The following PXDNL variants were observed in gnomAD, a reference collection of about 807,000 sequenced individuals.
The protein encoded by PXDNL is probable oxidoreductase PXDNL.
A neutral mutation model predicts 150.8 loss-of-function variants in PXDNL; 145 were observed. That is an observed-to-expected ratio of 0.96 (90% CI 0.84 to 1.10). The LOEUF (loss-of-function observed/expected upper bound fraction) is 1.10. PXDNL is among the 50% of genes least tolerant of loss of function. The pLI is 0.00. For missense variants in PXDNL, 2,087 were observed against 1,873.9 expected (o/e 1.11, Z -2.10); for synonymous variants, 757 against 725.7 (o/e 1.04, Z -0.69).
At chr8:51,334,787 C>G (rs910279686) in intron 21 of PXDNL, among the ~76,000 whole-genome samples, 1 of 152,176 alleles carries the variant, frequency 6.6e-6, no homozygotes, top group Admixed American at 6.5e-5. Flanking sequence ...TCCTCATATA[C>G]TTAGATTCCA....
intron 19 of PXDNL, among the ~76,000 whole-genome samples, chr8:51,351,258 A>G (rs1254196148): frequency 6.6e-6 from 1 of 152,240 alleles, no homozygotes; most frequent in African/African-American, 2.4e-5. Context: ...CTATAACATT[A>G]TTTGGAAATA....
chr8:51,678,126 A>G (rs932715804), intron 1 of PXDNL, among the ~76,000 whole-genome samples: 3 of 152,238 alleles, frequency 2.0e-5, no homozygotes, highest in Non-Finnish European at 2.9e-5. Flanking sequence ...GGCATAAAAC[A>G]TTATTCTTGA....
At chr8:51,553,771 T>TATACACAC (rs1236843720) in intron 4 of PXDNL, among the ~76,000 whole-genome samples, 1 of 63,862 alleles carries the variant, frequency 1.6e-5, no homozygotes, top group African/African-American at 9.3e-5. Flanking sequence ...TATATATATA[T>TATACACAC]ACACACACTG....
rs572506864 is a variant in PXDNL, at chr8:51,463,047, G to A, written c.813-5380C>T. On this transcript the variant is annotated intron_variant, in intron 8 of 22. Coordinates refer to ENST00000356297, the MANE Select transcript of PXDNL (RefSeq NM_144651.5). ...AGCCAAACTAAACTTTATAAGTGAA[G>A]GATAAATAAAATTCTTCCCAGACAA... Among the ~76,000 whole-genome samples, 3 of 152,184 alleles carry A rather than the reference G, an allele frequency of 2.0e-5. No homozygotes were observed. The East Asian group carries it at 5.8e-4, about 29-fold the overall frequency.
intron 3 of PXDNL, among the ~76,000 whole-genome samples, chr8:51,578,705 G>A (rs774670492): frequency 6.6e-6 from 1 of 151,922 alleles, no homozygotes; most frequent in African/African-American, 2.4e-5. Context: ...TGTCTACCTG[G>A]CTTCAGGATG....
intron 4 of PXDNL, among the ~76,000 whole-genome samples, chr8:51,556,316 C>A (rs1812599405): frequency 6.6e-6 from 1 of 151,798 alleles, no homozygotes; most frequent in Non-Finnish European, 1.5e-5. Context: ...TAATTTGGGG[C>A]AAATCAGTTA....
chr8:51,452,212 A>G (rs191050772), intron 10 of PXDNL, among the ~76,000 whole-genome samples: 103 of 152,390 alleles, frequency 6.8e-4, no homozygotes, highest in African/African-American at 2.5e-3. Flanking sequence ...AAAATGATGT[A>G]AGCAAAACAA....
At chr8:51,697,119 C>CA (rs1479745782) in intron 1 of PXDNL, among the ~76,000 whole-genome samples, 2 of 152,188 alleles carry the variant, frequency 1.3e-5, no homozygotes, top group African/African-American at 4.8e-5. Context: ...GCCTGGCCAA[C>CA]ATGTTGAAAC....
chr8:51,578,189 C>T (rs1483141860), intron 3 of PXDNL, among the ~76,000 whole-genome samples: 3 of 151,546 alleles, frequency 2.0e-5, no homozygotes, highest in Non-Finnish European at 4.4e-5. Context: ...AAAATATATT[C>T]CTGTTTACAG....
chr8:51,325,831 A>C (rs962436209), intron 21 of PXDNL, among the ~76,000 whole-genome samples: 1 of 152,094 alleles, frequency 6.6e-6, no homozygotes, highest in African/African-American at 2.4e-5. Context: ...GGAGAGTGAA[A>C]GCCACCTCCT....
At chr8:51,754,795 G>A (rs564790746) in intron 1 of PXDNL, among the ~76,000 whole-genome samples, 7 of 152,230 alleles carry the variant, frequency 4.6e-5, no homozygotes, top group Admixed American at 6.5e-5. Context: ...GAACCACTGC[G>A]CCCGGCCAAA....
chr8:51,786,635 G>C (rs2037463292), intron 1 of PXDNL, among the ~76,000 whole-genome samples: 1 of 151,846 alleles, frequency 6.6e-6, no homozygotes, highest in African/African-American at 2.4e-5. Context: ...AGCTAGCGGA[G>C]GCTGTTCATG....
intron 1 of PXDNL, among the ~76,000 whole-genome samples, chr8:51,751,684 T>C (rs1351655867): frequency 6.6e-6 from 1 of 152,210 alleles, no homozygotes; most frequent in Admixed American, 6.5e-5. Context: ...GAACAAACTA[T>C]AAGAAGCTGG....
At chr8:51,806,121 T>G (rs1163888265) in intron 1 of PXDNL, among the ~76,000 whole-genome samples, 1 of 152,216 alleles carries the variant, frequency 6.6e-6, no homozygotes, top group Non-Finnish European at 1.5e-5. Context: ...GGGACAGTTT[T>G]GCATTTTTCT....
chr8:51,333,162 G>T (rs1480698159), intron 21 of PXDNL, among the ~76,000 whole-genome samples: 5 of 152,218 alleles, frequency 3.3e-5, no homozygotes, highest in African/African-American at 9.7e-5. Context: ...TTACAGGCTA[G>T]AAGGGAGTAA....
chr8:51,570,090 G>A (rs1378338999), intron 3 of PXDNL, among the ~76,000 whole-genome samples: 1 of 151,916 alleles, frequency 6.6e-6, no homozygotes, highest in Non-Finnish European at 1.5e-5. Context: ...AGAAAGACAT[G>A]AGCAGTGAGA....
At chr8:51,553,201 C>T (rs1311847895) in intron 4 of PXDNL, among the ~76,000 whole-genome samples, 1 of 152,186 alleles carries the variant, frequency 6.6e-6, no homozygotes, top group Non-Finnish European at 1.5e-5. Flanking sequence ...TGGCTCAGCA[C>T]ACCCAAAGCT....
intron 4 of PXDNL, among the ~76,000 whole-genome samples, chr8:51,552,672 C>A (rs923134461): frequency 6.6e-6 from 1 of 151,982 alleles, no homozygotes; most frequent in African/African-American, 2.4e-5. Context: ...TCCAGGTATT[C>A]GGAGTAAGGA....
intron 1 of PXDNL, among the ~76,000 whole-genome samples, chr8:51,756,450 C>T (rs1163149868): frequency 6.6e-6 from 1 of 150,844 alleles, no homozygotes; most frequent in African/African-American, 2.4e-5. Context: ...ATGCCTGAAC[C>T]CACACAATAC....
Sources: gnomAD v4.1 joint callset for allele counts (sites outside exome capture counted in the v4.1 genomes callset) on GRCh38, gnomAD v4.1.1 for gene constraint, MANE v1.5 for transcripts, NCBI Gene and HGNC (gene_info 2026-07-23, HGNC 2026-07-21) for gene names.